The following TRIB2 variants were observed in gnomAD, a reference collection of about 807,000 sequenced individuals.
The protein encoded by TRIB2 is tribbles homolog 2.
A neutral mutation model predicts 26.8 loss-of-function variants in TRIB2; 2 were observed. That is an observed-to-expected ratio of 0.07 (90% confidence interval 0.03 to 0.24). The LOEUF (loss-of-function observed/expected upper bound fraction) is 0.24, where lower values mean the gene tolerates loss of function less well. TRIB2 is among the 10% of genes least tolerant of loss of function. The pLI is 1.00. For missense variants in TRIB2, 306 were observed against 449.0 expected, an observed-to-expected ratio of 0.68 and a Z score of 2.88; for synonymous variants, 189 against 187.3, an observed-to-expected ratio of 1.01 and a Z score of -0.08.
At chr2:12,724,575 G>C (rs1572479308) in intron 2 of TRIB2, 1 of 1,565,816 alleles carries the variant, frequency 6.4e-7, no homozygotes, top group Non-Finnish European at 8.6e-7. Context: ...AGAAGGGGCA[G>C]CTGTTGGAAG....
chr2:12,738,995 T>C (rs1022044754), intron 2 of TRIB2, among the ~76,000 whole-genome samples: 6 of 152,140 alleles, frequency 3.9e-5, no homozygotes, highest in Non-Finnish European at 7.3e-5. Flanking sequence ...AGTCCTACTT[T>C]CCTGTCAGCA....
Position 12,740,712 on chromosome 2 carries a change from C to T in TRIB2, c.950C>T (p.Ser317Leu), listed in dbSNP as rs896775225. ...WFSTDFSVSN[S>L]AYGAKEVSDQ... is the part of the protein sequence containing the mutation. ...TCTACAGATTTTAGCGTCTCGAATT[C>T]AGCATATGGTGCTAAGGAAGTGTCT... Residue 317 changes from serine (S) to leucine (L), a missense_variant, in exon 3 of 3, where the codon TCA (serine) becomes TTA (leucine). Ser to Leu is a moderately radical substitution (Grantham distance 145). Around this residue, in one of 4 missense-constraint regions of TRIB2, gnomAD observed 78 missense variants for 104.9 expected, o/e 0.74. Transcript: ENST00000155926. This position sits in a 1 kb window ranked among gnomAD's most constrained non-coding sequence, Gnocchi z 5.8. 3.7e-6 allele frequency: 6 copies of T among 1,614,056 alleles called. No homozygotes were observed. The highest frequency in any genetic ancestry group is 5.1e-6 in the Non-Finnish European group (6 of 1,180,052).
intron 2 of TRIB2, among the ~76,000 whole-genome samples, chr2:12,738,244 G>A (rs747585341): frequency 2.6e-5 from 4 of 152,178 alleles, no homozygotes; most frequent in Admixed American, 6.5e-5. Flanking sequence ...CAGGCAGACG[G>A]AGGAAGAGAA....
chr2:12,724,505 G>A (rs1396201727), intron 2 of TRIB2: 14 of 1,473,030 alleles, frequency 9.5e-6, no homozygotes, highest in Non-Finnish European at 1.3e-5. Flanking sequence ...CACATAATGT[G>A]GAGACCAGCT....
Position 12,740,228 on chromosome 2 carries a change from G to C in TRIB2, c.564-98G>C, listed in dbSNP as rs1472185919. On this transcript the variant is annotated intron_variant, in intron 2 of 2. Coordinates refer to ENST00000155926, the MANE Select transcript of TRIB2 (RefSeq NM_021643.4). This position sits in a 1 kb window ranked among gnomAD's most constrained non-coding sequence, Gnocchi z 5.8. ...TGCGTGAATGAATGAATGTGAATGA[G>C]GAGTCTTCAGAAACACTATAGTCGG... 3.6e-5 allele frequency: 41 copies of C among 1,131,880 alleles called. No homozygotes were observed. The South Asian group carries it at 5.8e-4, about 16-fold the overall frequency. 70.1% of individuals were successfully genotyped at this position (1,131,880 alleles called of 1,614,324 possible).
At position 12,718,434 on chromosome 2, in the gene TRIB2, C is replaced by G; in HGVS notation, c.127C>G (p.Leu43Val). 1 of 1,614,256 alleles carries G rather than the reference C, an allele frequency of 6.2e-7. No individual in the cohort carries two copies. Among genetic ancestry groups the G allele is most frequent in the Non-Finnish European group, 8.5e-7 (1 of 1,180,058 alleles). Reference protein sequence around the residue: ...AEPSQSFSPNLGSPSPPETPN... With the variant: ...AEPSQSFSPNVGSPSPPETPN... Reference sequence around the variant, plus strand: ...GCCCAGCCAGAGTTTCAGCCCGAACCTCGGCTCCCCGAGCCCGCCCGAGAC... The same window carrying G: ...GCCCAGCCAGAGTTTCAGCCCGAACGTCGGCTCCCCGAGCCCGCCCGAGAC... The change falls in exon 1 of 3, where the codon CTC becomes GTC. Residue 43 changes from leucine to valine, a missense_variant. Leu to Val is a conservative substitution (Grantham distance 32, BLOSUM62 1). Coordinates refer to ENST00000155926, the MANE Select transcript of TRIB2 (RefSeq NM_021643.4). The surrounding 1 kb of genome is among the most constrained non-coding windows in gnomAD (Gnocchi z 4.0).
In TRIB2 at chr2:12,741,133, C is replaced by G. The variant is rs557087403; in HGVS notation, c.*339C>G. On this transcript the variant is annotated 3_prime_UTR_variant, in exon 3 of 3. Transcript: ENST00000155926. ...TGCAGATCCTGACAGAATCAAAACT[C>G]TCTGCCTCAAACACACATCCTGGCA... 69 of 239,788 alleles carry G rather than the reference C, an allele frequency of 2.9e-4. No individual in the cohort carries two copies. The highest frequency in any genetic ancestry group is 1.3e-3 in the African/African-American group (60 of 44,724). 14.9% of individuals were successfully genotyped at this position (239,788 alleles called of 1,614,324 possible).
intron 1 of TRIB2, among the ~76,000 whole-genome samples, chr2:12,722,747 A>T (rs182032682): frequency 6.6e-6 from 1 of 152,180 alleles, no homozygotes. Context: ...GAAAGTATTG[A>T]ATTAGAGACC....
At position 12,723,314 on chromosome 2, in the gene TRIB2, G is replaced by C. The variant is rs1018727454; in HGVS notation, c.325G>C (p.Ala109Pro). Reference sequence around the variant, plus strand: ...CCTGGCACCGTGCTTTTGCCTGTCTGCTCATAGTAACATCAACCAAATCAC... The same window carrying C: ...CCTGGCACCGTGCTTTTGCCTGTCTCCTCATAGTAACATCAACCAAATCAC... Reference protein sequence around the residue: ...ESLAPCFCLSAHSNINQITEI... With the variant: ...ESLAPCFCLSPHSNINQITEI... The change falls in exon 2 of 3, where the codon GCT (alanine) becomes CCT (proline). Residue 109 changes from alanine to proline, a missense_variant. Ala to Pro is a conservative substitution (Grantham distance 27). Transcript: ENST00000155926. 4 of 1,614,100 alleles carry C rather than the reference G, an allele frequency of 2.5e-6. No homozygotes were observed. In the African/African-American group the frequency reaches 5.3e-5, roughly 22 times the overall value.
At chr2:12,733,743 G>C (rs1226486047) in intron 2 of TRIB2, among the ~76,000 whole-genome samples, 2 of 152,180 alleles carry the variant, frequency 1.3e-5, no homozygotes, top group African/African-American at 4.8e-5. Flanking sequence ...TCTGAAGCTA[G>C]ACGAGCCCTT....
In TRIB2 at chr2:12,741,069, C is replaced by T; in HGVS notation, c.*275C>T. On this transcript the variant is annotated 3_prime_UTR_variant, in exon 3 of 3. Transcript: ENST00000155926. ...AGACCACCCCTTGCCACTTGGGCCA[C>T]TTCCGCCTACCCCACTTTTCATTTT... is the stretch of plus-strand genomic sequence containing the variant. 1 of 408,338 alleles carries T rather than the reference C, an allele frequency of 2.4e-6. No homozygotes were observed. The highest frequency in any genetic ancestry group is 4.4e-6 in the Non-Finnish European group (1 of 226,490). The allele number at this position is 408,338 out of a possible 1,614,324, so 25.3% of individuals were successfully genotyped here.
At chr2:12,721,897 T>C (rs192345839) in intron 1 of TRIB2, among the ~76,000 whole-genome samples, 1 of 152,342 alleles carries the variant, frequency 6.6e-6, no homozygotes, top group Non-Finnish European at 1.5e-5. Context: ...AGAAAGCCCG[T>C]GAATCCCCTT....
intron 1 of TRIB2, among the ~76,000 whole-genome samples, chr2:12,721,362 T>C (rs1242058744): frequency 1.3e-5 from 2 of 152,198 alleles, no homozygotes; most frequent in African/African-American, 4.8e-5. Context: ...AAACAGGAAG[T>C]AGATTATAAA....
intron 2 of TRIB2, among the ~76,000 whole-genome samples, chr2:12,730,492 G>A (rs897462112): frequency 1.3e-5 from 2 of 152,220 alleles, no homozygotes; most frequent in African/African-American, 4.8e-5. Context: ...ACTAGCCAGG[G>A]TCAAAACTCA....
In TRIB2 at chr2:12,718,521, G is replaced by A; in HGVS notation, c.214G>A (p.Gly72Arg). The A allele has an allele frequency of 6.2e-7, 1 of 1,614,194 alleles. No individual in the cohort carries two copies. Among genetic ancestry groups the A allele is most frequent in the Non-Finnish European group, 8.5e-7 (1 of 1,180,024 alleles). Residue 72 changes from glycine to arginine, a missense_variant, in exon 1 of 3, where the codon GGA (glycine) becomes AGA (arginine). Gly to Arg is a moderately radical substitution (Grantham distance 125, BLOSUM62 -2). Coordinates refer to ENST00000155926, the MANE Select transcript of TRIB2 (RefSeq NM_021643.4). This position sits in a 1 kb window ranked among gnomAD's most constrained non-coding sequence, Gnocchi z 4.0. ...GKYLLLEPLE[G>R]DHVFRAVHLH... is the part of the protein sequence containing the mutation. ...ATACTTATTGTTGGAACCTCTGGAG[G>A]GAGACCACGTTTTTCGTGCCGTGCA...
At chr2:12,724,767 C>T in intron 2 of TRIB2, 2 of 1,612,864 alleles carry the variant, frequency 1.2e-6, no homozygotes, top group Non-Finnish European at 1.7e-6. Flanking sequence ...CTTCTGTATG[C>T]TGTATTGGCT....
intron 1 of TRIB2, among the ~76,000 whole-genome samples, chr2:12,722,897 T>A (rs779608720): frequency 6.6e-6 from 1 of 152,210 alleles, no homozygotes; most frequent in Non-Finnish European, 1.5e-5. Context: ...TTCTCTCCAA[T>A]TTTGCCTTAG....
chr2:12,717,201 G>A lies in TRIB2; in HGVS notation c.-1107G>A. On this transcript the variant is annotated 5_prime_UTR_variant, in exon 1 of 3. Coordinates refer to ENST00000155926, the MANE Select transcript of TRIB2 (RefSeq NM_021643.4). The surrounding 1 kb of genome is among the most constrained non-coding windows in gnomAD (Gnocchi z 4.8). ...TTTTCTCCAAAACAAACCCCACCGG[G>A]CAATTTGGTCTCGGGGTAGGGGGAG... The A allele has an allele frequency of 2.5e-6, 1 of 396,010 alleles. No individual in the cohort carries two copies. The highest frequency in any genetic ancestry group is 4.4e-6 in the Non-Finnish European group (1 of 224,890). The allele number at this position is 396,010 out of a possible 1,614,324, so 24.5% of individuals were successfully genotyped here.
At position 12,723,481 on chromosome 2, in the gene TRIB2, C is replaced by A. The variant is rs768253815; in HGVS notation, c.492C>A (p.Ala164=). Residue 164 remains alanine, a synonymous_variant, in exon 2 of 3, where the codon GCC becomes GCA. Coordinates refer to ENST00000155926, the MANE Select transcript of TRIB2 (RefSeq NM_021643.4). ...TCTACCAGATTGCCTCGGCAGTGGCCCACTGCCATGACGGGGGGCTGGTGC... is the reference window on the plus strand; with the variant it reads ...TCTACCAGATTGCCTCGGCAGTGGCACACTGCCATGACGGGGGGCTGGTGC... ...RLFYQIASAV[A]HCHDGGLVLR... 6.2e-7 allele frequency: 1 copy of A among 1,614,182 alleles called. No homozygotes were observed. The highest frequency in any genetic ancestry group is 8.5e-7 in the Non-Finnish European group (1 of 1,180,040).
Sources: gnomAD v4.1 joint callset for allele counts (sites outside exome capture counted in the v4.1 genomes callset) on GRCh38, gnomAD v4.1.1 for gene constraint, gnomAD v4.1.1 regional missense constraint, Gnocchi (gnomAD v3.1) non-coding constraint, MANE v1.5 for transcripts, NCBI Gene and HGNC (gene_info 2026-07-23, HGNC 2026-07-21) for gene names.